The following ADRM1 variants were observed in gnomAD, a reference collection of about 807,000 sequenced individuals.
ADRM1 encodes the protein proteasomal ubiquitin receptor ADRM1.
In ADRM1, 2 loss-of-function variants were observed where a neutral mutation model predicts 40.1. The observed-to-expected ratio is 0.05, with a 90% CI of 0.02 to 0.16. ADRM1 has a LOEUF of 0.16. ADRM1 is among the 10% of genes least tolerant of loss of function. The pLI, the probability that ADRM1 is intolerant of heterozygous loss-of-function variation, is 1.00. For missense variants in ADRM1, 467 were observed against 552.5 expected (o/e 0.85, Z 1.55); for synonymous variants, 287 against 240.4 (o/e 1.19, Z -1.79).
chr20:62,305,216 G>C (rs987831485), intron 3 of ADRM1, among the ~76,000 whole-genome samples: 6 of 152,188 alleles, frequency 3.9e-5, no homozygotes, highest in Non-Finnish European at 8.8e-5. Flanking sequence ...ACTGGTGGCG[G>C]GCCTGTGGTC....
chr20:62,307,798 G>C lies in ADRM1; in HGVS notation c.826G>C (p.Val276Leu), dbSNP rs773702693. The C allele has an allele frequency of 6.2e-7, 1 of 1,609,690 alleles. No homozygotes were observed. Among genetic ancestry groups the C allele is most frequent in the Admixed American group, 1.7e-5 (1 of 59,702 alleles). The change falls in exon 7 of 10, where the codon GTA becomes CTA. Residue 276 changes from valine to leucine, a missense_variant. Coordinates refer to ENST00000253003, the MANE Select transcript of ADRM1 (RefSeq NM_007002.4). ...DLQSILATMNVPAGPAGGQQV... is the reference protein window; with the variant it reads ...DLQSILATMNLPAGPAGGQQV... ...CCAGAGCATCCTGGCCACGATGAAC[G>C]TACCAGCCGGGCCAGCAGGCGGCCA...
chr20:62,304,674 A>C, intron 3 of ADRM1, 97 bp downstream of exon 3: 1 of 1,255,436 alleles, frequency 8.0e-7, no homozygotes. Context: ...ATAAACCAGC[A>C]GGCGCCGGCC....
At chr20:62,305,213 G>A (rs1035315559) in intron 3 of ADRM1, among the ~76,000 whole-genome samples, 3 of 152,230 alleles carry the variant, frequency 2.0e-5, no homozygotes, top group Non-Finnish European at 4.4e-5. Context: ...AAAACTGGTG[G>A]CGGGCCTGTG....
rs1437197764 is a variant in ADRM1 at position 62,303,635 on chromosome 20, T to C, written c.67T>C (p.Leu23=). The change falls in exon 2 of 10, where the codon TTG becomes CTG. Residue 23 remains leucine (L), a synonymous_variant. Coordinates refer to ENST00000253003, the MANE Select transcript of ADRM1 (RefSeq NM_007002.4). ...CTCTCGGGGCGCCTCCAACAAGTAC[T>C]TGGTGGAGTTTCGGGCGGGAAAGAT... ...PGSRGASNKY[L]VEFRAGKMSL... The C allele has an allele frequency of 1.2e-6, 2 of 1,610,946 alleles. No homozygotes were observed. The highest frequency in any genetic ancestry group is 1.1e-5 in the South Asian group (1 of 91,036).
chr20:62,303,875 T>TG (rs1467895117), intron 2 of ADRM1, 94 bp downstream of exon 2: 7 of 1,285,136 alleles, frequency 5.4e-6, no homozygotes, highest in Non-Finnish European at 6.5e-6. Context: ...TGGCCGCATC[T>TG]GGGGACCGCT....
intron 9 of ADRM1, 33 bp downstream of exon 9, chr20:62,308,503 G>T (rs1266854066): frequency 1.2e-5 from 19 of 1,575,534 alleles, no homozygotes; most frequent in Non-Finnish European, 1.6e-5. Context: ...CCAGGCCAGA[G>T]CCAGGGGCAG....
Position 62,308,068 on chromosome 20 carries a change from G to A in ADRM1, c.904G>A (p.Ala302Thr), listed in dbSNP as rs766285528. 47 of 1,611,356 alleles carry A rather than the reference G, an allele frequency of 2.9e-5. No homozygotes were observed. In the South Asian group the frequency reaches 3.6e-4, roughly 12 times the overall value. Residue 302 changes from alanine (A) to threonine (T), a missense_variant, in exon 8 of 10, where the codon GCC becomes ACC. Coordinates refer to ENST00000253003, the MANE Select transcript of ADRM1 (RefSeq NM_007002.4). ...GCCGGAGATAATGGCTCCCATCCTC[G>A]CCAACGCGGATGTCCAGGAGCGCCT... ...LTPEIMAPIL[A>T]NADVQERLLP...
chr20:62,305,837 G>A, intron 3 of ADRM1: 1 of 253,910 alleles, frequency 3.9e-6, no homozygotes, highest in Non-Finnish European at 7.9e-6. Context: ...CTGGTTGAAG[G>A]AAGGAGACGG....
In ADRM1 at chr20:62,303,663, C is replaced by T. The variant is rs751228802; in HGVS notation, c.95C>T (p.Ser32Phe). The T allele has an allele frequency of 3.7e-6, 6 of 1,612,194 alleles. No homozygotes were observed. The highest frequency in any genetic ancestry group is 2.7e-5 in the African/African-American group (2 of 74,924). The stretch of plus-strand genomic sequence containing the variant: ...GTGGAGTTTCGGGCGGGAAAGATGT[C>T]CCTGAAGGGGACCACCGTGACTCCG... ...YLVEFRAGKM[S>F]LKGTTVTPDK... is the part of the protein sequence containing the mutation. Residue 32 changes from serine (S) to phenylalanine (F), a missense_variant, in exon 2 of 10, where the codon TCC (serine) becomes TTC (phenylalanine). By Grantham distance (155) the Ser-to-Phe change is radical (BLOSUM62 -2). Coordinates refer to ENST00000253003, the MANE Select transcript of ADRM1 (RefSeq NM_007002.4).
Position 62,306,636 on chromosome 20 carries a change from A to G in ADRM1, c.455-12A>G. On this transcript the variant is annotated splice_polypyrimidine_tract_variant and intron_variant, in intron 4 of 9. Coordinates refer to ENST00000253003, the MANE Select transcript of ADRM1 (RefSeq NM_007002.4). ...GCTGGGGCAGGCCCGCCTGAGCTGC[A>G]GTGTTTTCCAGGTGAGGGTGGCCTG... 5 of 1,602,410 alleles carry G rather than the reference A, an allele frequency of 3.1e-6. No individual in the cohort carries two copies. The highest frequency in any genetic ancestry group is 4.3e-6 in the Non-Finnish European group (5 of 1,174,784).
chr20:62,306,017 A>C (rs1174526515), intron 3 of ADRM1, 180 bp from the exon 4 acceptor site: 1 of 706,792 alleles, frequency 1.4e-6, no homozygotes, highest in African/African-American at 1.8e-5. Context: ...CGTGCTCAGG[A>C]GGCGCCACTG....
intron 5 of ADRM1, 23 bp from the exon 6 acceptor site, chr20:62,307,348 T>C: frequency 1.9e-6 from 3 of 1,594,008 alleles, no homozygotes; most frequent in Non-Finnish European, 2.6e-6. Flanking sequence ...CATCCTGAGC[T>C]CGCATTTCCT....
intron 6 of ADRM1, 31 bp downstream of exon 6, chr20:62,307,483 C>T (rs1294036590): frequency 6.9e-6 from 11 of 1,604,686 alleles, no homozygotes; most frequent in Admixed American, 1.7e-5. Context: ...CACGCAGGTG[C>T]CACGGTGTTA....
chr20:62,305,960 CAG>C (rs1008350216), intron 3 of ADRM1: 36 of 530,014 alleles, frequency 6.8e-5, no homozygotes, highest in African/African-American at 4.6e-4. Flanking sequence ...CGGAGGGGGA[CAG>C]GGCACACCCG....
In ADRM1 at chr20:62,307,575, C is replaced by T. The variant is rs372205691; in HGVS notation, c.624-21C>T. 1.2e-5 allele frequency: 20 copies of T among 1,606,004 alleles called. No homozygotes were observed. In the African/African-American group the frequency reaches 1.9e-4, roughly 15 times the overall value. ...GCCGTGTGGGGCGTGTCCGCTCCAG[C>T]GGTGCCCTCTCTCTTCGCAGCTCCC... On this transcript the variant is annotated intron_variant, in intron 6 of 9. Coordinates refer to ENST00000253003, the MANE Select transcript of ADRM1 (RefSeq NM_007002.4).
At chr20:62,306,493 A>C (rs1201266371) in intron 4 of ADRM1, 155 bp from the exon 5 acceptor site, 1 of 1,296,924 alleles carries the variant, frequency 7.7e-7, no homozygotes, top group African/African-American at 1.5e-5. Context: ...ACGGGGTAGG[A>C]CGGGTCTGCA....
At chr20:62,306,556 C>T (rs981372637) in intron 4 of ADRM1, 92 bp from the exon 5 acceptor site, 4 of 1,380,372 alleles carry the variant, frequency 2.9e-6, no homozygotes, top group South Asian at 2.6e-5. Context: ...CAGGGGCAGC[C>T]GAGTGCGGTG....
chr20:62,305,021 T>C (rs1984690090), intron 3 of ADRM1, among the ~76,000 whole-genome samples: 1 of 152,238 alleles, frequency 6.6e-6, no homozygotes, highest in South Asian at 2.1e-4. Flanking sequence ...GGGGTGTCAG[T>C]GCCCAGGGTT....
chr20:62,303,499 G>C, intron 1 of ADRM1, 69 bp from the exon 2 acceptor site: 1 of 1,483,062 alleles, frequency 6.7e-7, no homozygotes, highest in South Asian at 1.3e-5. Context: ...AACACCCCAG[G>C]GGGCGGGAGC....
Sources: gnomAD v4.1 joint callset for allele counts (sites outside exome capture counted in the v4.1 genomes callset) on GRCh38, gnomAD v4.1.1 for gene constraint, MANE v1.5 for transcripts, NCBI Gene and HGNC (gene_info 2026-07-23, HGNC 2026-07-21) for gene names.